HOXD11: variants seen among roughly 807,000 people sequenced by gnomAD.
The protein encoded by HOXD11 is homeobox protein Hox-D11.
Under a neutral mutation model 23.1 loss-of-function variants are expected in HOXD11, and 16 were observed. The ratio of observed to expected loss-of-function variants is 0.69; its 90% CI spans 0.47 to 1.05. HOXD11 has a LOEUF of 1.05. Among genes scored for constraint, HOXD11 ranks in the 50% least tolerant of loss-of-function variants. The pLI is 0.00. For missense variants in HOXD11, 564 were observed against 495.6 expected (o/e 1.14, Z -1.31); for synonymous variants, 262 against 224.4 (o/e 1.17, Z -1.50).
rs976186112 is a variant in HOXD11, at chr2:176,107,676, CGCGGCG to C, written c.336_341del (p.Ala119_Ala120del). ...GCGCGGGGGGCTACGCTCCCTACTACGCGGCGGCGGCGGCGGCGGCTGCGGCGGCCG... is the reference window on the plus strand; with the variant it reads ...GCGCGGGGGGCTACGCTCCCTACTACGCGGCGGCGGCGGCTGCGGCGGCCG... On this transcript the variant is annotated inframe_deletion, in exon 1 of 2. Transcript: ENST00000249504. The C allele has an allele frequency of 9.1e-6, 9 of 987,904 alleles. No individual in the cohort carries two copies. The highest frequency in any genetic ancestry group is 3.5e-5 in the African/African-American group (2 of 56,454). 61.2% of individuals were successfully genotyped at this position (987,904 alleles called of 1,614,324 possible). A position where few individuals can be genotyped will look rare whatever the true frequency, so the allele number is the denominator to read the frequency against.
At chr2:176,112,878 C>G (rs1441012352), downstream of HOXD11, among the ~76,000 whole-genome samples, 1 of 152,200 alleles carries the variant, frequency 6.6e-6, no homozygotes, top group Non-Finnish European at 1.5e-5. Context: ...CAGACCAGAA[C>G]CTCTGGGGGC....
chr2:176,111,826 C>CAAAAAAA (rs1176283938), downstream of HOXD11, among the ~76,000 whole-genome samples: 132 of 22,742 alleles, frequency 5.8e-3, 26 homozygotes, highest in East Asian at 0.052. Flanking sequence ...CTCCCCCCCG[C>CAAAAAAA]AAAAAAAAAA....
chr2:176,107,814 G>A lies in HOXD11; in HGVS notation c.459G>A (p.Pro153=). The change falls in exon 1 of 2, where the codon CCG becomes CCA. Residue 153 remains proline, a synonymous_variant. Coordinates refer to ENST00000249504, the MANE Select transcript of HOXD11 (RefSeq NM_021192.3). ...AGCCGGTGTGCGCTGCGCCGGGGCC[G>A]CCGCACGGCCCCGCGGGCGCCGCCT... ...APEPVCAAPG[P]PHGPAGAASN... 3 of 1,400,202 alleles carry A rather than the reference G, an allele frequency of 2.1e-6. No individual in the cohort carries two copies. The highest frequency in any genetic ancestry group is 1.9e-6 in the Non-Finnish European group (2 of 1,076,132). The allele number at this position is 1,400,202 out of a possible 1,614,324, so 86.7% of individuals were successfully genotyped here.
downstream of HOXD11, among the ~76,000 whole-genome samples, chr2:176,110,419 GCT>G (rs1462894141): frequency 6.6e-6 from 1 of 152,142 alleles, no homozygotes; most frequent in Non-Finnish European, 1.5e-5. Context: ...AGTGAGAAAA[GCT>G]CTCTCTCTGA....
chr2:176,107,830 G>C lies in HOXD11; in HGVS notation c.475G>C (p.Gly159Arg). The C allele has an allele frequency of 7.0e-7, 1 of 1,428,510 alleles. No homozygotes were observed. The highest frequency in any genetic ancestry group is 9.2e-7 in the Non-Finnish European group (1 of 1,088,122). 88.5% of individuals were successfully genotyped at this position (1,428,510 alleles called of 1,614,324 possible). A position where few individuals can be genotyped will look rare whatever the true frequency, so the allele number is the denominator to read the frequency against. Residue 159 changes from glycine to arginine, a missense_variant, in exon 1 of 2, where the codon GGC (glycine) becomes CGC (arginine). Physicochemically the swap from Gly to Arg is moderately radical, Grantham distance 125. Transcript: ENST00000249504. Reference protein sequence around the residue: ...AAPGPPHGPAGAASNFYSAVG... With the variant: ...AAPGPPHGPARAASNFYSAVG... ...GCCGGGGCCGCCGCACGGCCCCGCG[G>C]GCGCCGCCTCCAACTTCTACAGCGC...
chr2:176,110,291 C>A (rs1018010469), downstream of HOXD11, among the ~76,000 whole-genome samples: 12 of 152,220 alleles, frequency 7.9e-5, no homozygotes, highest in African/African-American at 2.9e-4. Flanking sequence ...GTTTACAAAA[C>A]CTTGAACTGT....
intron 1 of HOXD11, among the ~76,000 whole-genome samples, chr2:176,108,361 G>T (rs1157104506): frequency 4.0e-5 from 6 of 151,308 alleles, no homozygotes; most frequent in African/African-American, 1.5e-4. Context: ...AATAGCTGTC[G>T]AGAGCCTTTT....
At chr2:176,111,827 A>AAAAAAAAAAAAAAAAC (rs1559115475), downstream of HOXD11, among the ~76,000 whole-genome samples, 7 of 62,486 alleles carry the variant, frequency 1.1e-4, no homozygotes, top group African/African-American at 6.7e-5. Context: ...TCCCCCCCGC[A>AAAAAAAAAAAAAAAAC]AAAAAAAAAA....
downstream of HOXD11, among the ~76,000 whole-genome samples, chr2:176,110,455 G>C (rs847145): frequency 0.072 from 10,934 of 152,206 alleles, 1,278 homozygotes; most frequent in African/African-American, 0.24. Flanking sequence ...AATCTTATGA[G>C]TCTTAACCTC....
rs1461215406 is a variant in HOXD11 at position 176,107,723 on chromosome 2, C to G, written c.368C>G (p.Ala123Gly). Residue 123 changes from alanine (A) to glycine (G), a missense_variant, in exon 1 of 2, where the codon GCG becomes GGG. Transcript: ENST00000249504. ...GCGGCGGCCGCGGCGGCCGAGGAGG[C>G]GGCCATGCAACGCGAGCTTCTCCCG... ...AAAAAAAAEE[A>G]AMQRELLPPA... 8.7e-7 allele frequency: 1 copy of G among 1,147,170 alleles called. No homozygotes were observed. The highest frequency in any genetic ancestry group is 1.1e-6 in the Non-Finnish European group (1 of 937,056). 71.1% of individuals were successfully genotyped at this position (1,147,170 alleles called of 1,614,324 possible). A position where few individuals can be genotyped will look rare whatever the true frequency, so the allele number is the denominator to read the frequency against.
chr2:176,113,981 A>G (rs1689713713), downstream of HOXD11, among the ~76,000 whole-genome samples: 1 of 152,230 alleles, frequency 6.6e-6, no homozygotes, highest in Non-Finnish European at 1.5e-5. Context: ...TGTTTTCTTC[A>G]TGTATAAATA....
intron 1 of HOXD11, 117 bp from the exon 2 acceptor site, chr2:176,108,790 C>T (rs1414523535): frequency 4.5e-6 from 3 of 669,344 alleles, no homozygotes; most frequent in Non-Finnish European, 7.6e-6. Flanking sequence ...TCGGCCGCGG[C>T]AGAGAACGTC....
At chr2:176,114,350 C>A (rs192941885), downstream of HOXD11, among the ~76,000 whole-genome samples, 381 of 152,188 alleles carry the variant, frequency 2.5e-3, 2 homozygotes, top group Middle Eastern at 0.01. Flanking sequence ...TTCCGGCCAT[C>A]CTCAACCCCC....
downstream of HOXD11, among the ~76,000 whole-genome samples, chr2:176,114,734 G>A (rs1157535312): frequency 6.6e-6 from 1 of 152,204 alleles, no homozygotes; most frequent in Non-Finnish European, 1.5e-5. Flanking sequence ...ATGCTGAGGC[G>A]CTTTAATGAA....
rs765623895 is a variant in HOXD11 at position 176,109,336 on chromosome 2, C to A, written c.*194C>A. The stretch of plus-strand genomic sequence containing the variant: ...CGGACGAGGCCGGGACTTGGCCGAG[C>A]GGATCCTAATAAGGGGAAAATGGTA... On this transcript the variant is annotated 3_prime_UTR_variant, in exon 2 of 2. Coordinates refer to ENST00000249504, the MANE Select transcript of HOXD11 (RefSeq NM_021192.3). The A allele has an allele frequency of 4.5e-5, 26 of 574,818 alleles. No individual in the cohort carries two copies. The highest frequency in any genetic ancestry group is 1.5e-5 in the Non-Finnish European group (5 of 322,860). The allele number at this position is 574,818 out of a possible 1,614,324, so 35.6% of individuals were successfully genotyped here.
At position 176,109,333 on chromosome 2, in the gene HOXD11, G is replaced by A. The variant is rs1689643012; in HGVS notation, c.*191G>A. 3 of 579,550 alleles carry A rather than the reference G, an allele frequency of 5.2e-6. No homozygotes were observed. The highest frequency in any genetic ancestry group is 4.4e-5 in the South Asian group (2 of 45,322). 35.9% of individuals were successfully genotyped at this position (579,550 alleles called of 1,614,324 possible). A position where few individuals can be genotyped will look rare whatever the true frequency, so the allele number is the denominator to read the frequency against. Reference sequence around the variant, plus strand: ...CTGCGGACGAGGCCGGGACTTGGCCGAGCGGATCCTAATAAGGGGAAAATG... The same window carrying A: ...CTGCGGACGAGGCCGGGACTTGGCCAAGCGGATCCTAATAAGGGGAAAATG... On this transcript the variant is annotated 3_prime_UTR_variant, in exon 2 of 2. Coordinates refer to ENST00000249504, the MANE Select transcript of HOXD11 (RefSeq NM_021192.3).
At chr2:176,109,798 A>G (rs1167254248), downstream of HOXD11, 1 of 172,190 alleles carries the variant, frequency 5.8e-6, no homozygotes, top group Non-Finnish European at 1.3e-5. Context: ...CCTCTAGGTT[A>G]CACTGGTTTT....
rs1049210386 is a variant in HOXD11 at position 176,108,610 on chromosome 2, C to T, written c.782-297C>T. 2.0e-5 allele frequency among the ~76,000 whole-genome samples: 3 copies of T among 151,780 alleles called. No homozygotes were observed. In the East Asian group the frequency reaches 5.9e-4, roughly 30 times the overall value. On this transcript the variant is annotated intron_variant, in intron 1 of 1. Coordinates refer to ENST00000249504, the MANE Select transcript of HOXD11 (RefSeq NM_021192.3). ...CTCTTGTCTCTGTTCCCTCAGGTTCCAGTTTAGAGCCTGCCTTGCCCTCTG... is the reference window on the plus strand; with the variant it reads ...CTCTTGTCTCTGTTCCCTCAGGTTCTAGTTTAGAGCCTGCCTTGCCCTCTG...
downstream of HOXD11, among the ~76,000 whole-genome samples, chr2:176,111,965 A>C (rs916871528): frequency 6.6e-6 from 1 of 151,836 alleles, no homozygotes; most frequent in Non-Finnish European, 1.5e-5. Context: ...AATAAGACGC[A>C]TGGGGGACTG....
Sources: allele counts gnomAD v4.1 joint callset (sites outside exome capture counted in the v4.1 genomes callset), GRCh38; gene constraint gnomAD v4.1.1; transcripts MANE v1.5; gene names NCBI Gene and HGNC (gene_info 2026-07-23, HGNC 2026-07-21).